Variants in MAGI3 observed in about 807,000 individuals in gnomAD.
The protein encoded by MAGI3 is membrane associated guanylate kinase, WW and PDZ domain containing 3.
MAGI3 carries 43 observed loss-of-function variants against 121.8 expected under a neutral mutation model. That is an observed-to-expected ratio of 0.35 (90% CI 0.28 to 0.46). The LOEUF (loss-of-function observed/expected upper bound fraction) is 0.46. Ranked by LOEUF, MAGI3 falls within the 20% of genes least tolerant of loss-of-function variation. The pLI is 1.00. For synonymous variants in MAGI3, 553 were observed against 639.3 expected, an observed-to-expected ratio of 0.86 and a Z score of 2.04; for missense variants, 1,547 against 1,797.3, an observed-to-expected ratio of 0.86 and a Z score of 2.52.
intron 1 of MAGI3, among the ~76,000 whole-genome samples, chr1:113,459,118 CATT>C (rs1654908180): frequency 6.6e-6 from 1 of 152,062 alleles, no homozygotes; most frequent in African/African-American, 2.4e-5. Flanking sequence ...CTGGGTTTAT[CATT>C]ACTTCTGGTT....
chr1:113,678,026 TG>T (rs1295735365), intron 19 of MAGI3, among the ~76,000 whole-genome samples: 1 of 152,098 alleles, frequency 6.6e-6, no homozygotes, highest in Non-Finnish European at 1.5e-5. Flanking sequence ...CTTAAAGCAA[TG>T]GCTCCCCCTC....
At chr1:113,577,808 G>A (rs866014020) in intron 2 of MAGI3, among the ~76,000 whole-genome samples, 24 of 152,226 alleles carry the variant, frequency 1.6e-4, no homozygotes, top group East Asian at 9.6e-4. Context: ...AAATTGTGCC[G>A]TTAATAATAA....
chr1:113,519,477 A>G lies in MAGI3; in HGVS notation c.317-30038A>G, dbSNP rs183816396. Among the ~76,000 whole-genome samples the G allele has an allele frequency of 6.7e-4, 102 of 152,290 alleles. 1 individual carries two copies. In the Middle Eastern group the frequency reaches 0.02, roughly 30 times the overall value. Reference sequence around the variant, plus strand: ...TTCATTATCCCAAAATAATGAGACTATTATCTGATATGGCATACTGTGTCA... The same window carrying G: ...TTCATTATCCCAAAATAATGAGACTGTTATCTGATATGGCATACTGTGTCA... On this transcript the variant is annotated intron_variant, in intron 1 of 20. Coordinates refer to ENST00000307546, the MANE Select transcript of MAGI3 (RefSeq NM_001142782.2).
intron 1 of MAGI3, among the ~76,000 whole-genome samples, chr1:113,515,214 G>A (rs188435911): frequency 2.4e-4 from 37 of 152,044 alleles, no homozygotes; most frequent in Middle Eastern, 3.4e-3. Context: ...GGCCTTTGAT[G>A]TTTGCCATTT....
intron 1 of MAGI3, among the ~76,000 whole-genome samples, chr1:113,399,226 C>T (rs1219938747): frequency 6.6e-6 from 1 of 152,154 alleles, no homozygotes; most frequent in African/African-American, 2.4e-5. Flanking sequence ...AAATCTCATG[C>T]AGGGACTTTG....
At chr1:113,448,748 T>C (rs1466629492) in intron 1 of MAGI3, among the ~76,000 whole-genome samples, 1 of 152,108 alleles carries the variant, frequency 6.6e-6, no homozygotes, top group Non-Finnish European at 1.5e-5. Flanking sequence ...CTTCCCAAAG[T>C]GCTGGGATTA....
intron 1 of MAGI3, among the ~76,000 whole-genome samples, chr1:113,442,222 A>G (rs949534557): frequency 6.6e-6 from 1 of 152,174 alleles, no homozygotes; most frequent in Non-Finnish European, 1.5e-5. Context: ...CAACTTTTAG[A>G]AACTGTTTTG....
chr1:113,506,082 A>G (rs1168300955), intron 1 of MAGI3, among the ~76,000 whole-genome samples: 3 of 152,206 alleles, frequency 2.0e-5, no homozygotes, highest in Non-Finnish European at 1.5e-5. Context: ...AAGAAAGACT[A>G]TTGCTCTGGA....
At chr1:113,469,402 TGGG>T (rs1335306271) in intron 1 of MAGI3, among the ~76,000 whole-genome samples, 2 of 152,168 alleles carry the variant, frequency 1.3e-5, no homozygotes, top group African/African-American at 4.8e-5. Context: ...GTTTTGGACT[TGGG>T]GGACTTTTTG....
At chr1:113,478,583 A>G (rs1297613724) in intron 1 of MAGI3, among the ~76,000 whole-genome samples, 1 of 152,164 alleles carries the variant, frequency 6.6e-6, no homozygotes, top group African/African-American at 2.4e-5. Flanking sequence ...ATATTGCACA[A>G]CAGCCAATAT....
In MAGI3 at chr1:113,608,788, A is replaced by G. The variant is rs537109625; in HGVS notation, c.1019-5813A>G. Among the ~76,000 whole-genome samples the G allele has an allele frequency of 2.0e-5, 3 of 152,290 alleles. No homozygotes were observed. The South Asian group carries it at 6.2e-4, about 32-fold the overall frequency. ...TTCTCTAAGGAATTTGAAGAATTGG[A>G]TGAACATTTCCCCCTAATGCTCTTT... On this transcript the variant is annotated intron_variant, in intron 6 of 20. Coordinates refer to ENST00000307546, the MANE Select transcript of MAGI3 (RefSeq NM_001142782.2).
chr1:113,481,714 A>C (rs563181806), intron 1 of MAGI3, among the ~76,000 whole-genome samples: 1 of 152,178 alleles, frequency 6.6e-6, no homozygotes, highest in Non-Finnish European at 1.5e-5. Flanking sequence ...CAACTGCATA[A>C]TAAACTTAAT....
At chr1:113,648,246 G>C (rs910776839) in intron 12 of MAGI3, among the ~76,000 whole-genome samples, 1 of 152,004 alleles carries the variant, frequency 6.6e-6, no homozygotes, top group Non-Finnish European at 1.5e-5. Context: ...AAAAGATACT[G>C]CTTCTATAGA....
intron 16 of MAGI3, among the ~76,000 whole-genome samples, chr1:113,668,740 G>A (rs924273066): frequency 8.6e-5 from 13 of 151,026 alleles, no homozygotes; most frequent in South Asian, 4.2e-4. Context: ...CCGCCACCGC[G>A]CCCGGCTAAT....
intron 5 of MAGI3, 142 bp downstream of exon 5, chr1:113,590,800 G>A (rs1570910261): frequency 2.7e-6 from 2 of 731,708 alleles, no homozygotes; most frequent in African/African-American, 1.8e-5. Flanking sequence ...TCATAAAACT[G>A]ACAGTTGATT....
chr1:113,510,555 G>A (rs796963041), intron 1 of MAGI3, among the ~76,000 whole-genome samples: 13 of 152,032 alleles, frequency 8.6e-5, no homozygotes, highest in African/African-American at 2.7e-4. Context: ...TTGAGATATC[G>A]CCCTTAAGTT....
chr1:113,483,803 AG>A (rs1350466054), intron 1 of MAGI3, among the ~76,000 whole-genome samples: 1 of 152,156 alleles, frequency 6.6e-6, no homozygotes, highest in Non-Finnish European at 1.5e-5. Context: ...AAGAGTTGCA[AG>A]AATAGAACAA....
At chr1:113,404,743 G>A (rs963590761) in intron 1 of MAGI3, among the ~76,000 whole-genome samples, 11 of 152,066 alleles carry the variant, frequency 7.2e-5, no homozygotes, top group African/African-American at 2.7e-4. Flanking sequence ...TGAGTGAAAC[G>A]ATGAGAAAAA....
intron 9 of MAGI3, among the ~76,000 whole-genome samples, chr1:113,635,102 C>T (rs1358971366): frequency 6.6e-6 from 1 of 151,282 alleles, no homozygotes; most frequent in Non-Finnish European, 1.5e-5. Context: ...AGACTTTTGG[C>T]TTATCAGCTT....
Sources: gnomAD v4.1 joint callset for allele counts (sites outside exome capture counted in the v4.1 genomes callset) on GRCh38, gnomAD v4.1.1 for gene constraint, MANE v1.5 for transcripts, NCBI Gene and HGNC (gene_info 2026-07-23, HGNC 2026-07-21) for gene names.